Variants in MTF2 observed in about 807,000 individuals in gnomAD.
The protein encoded by MTF2 is metal response element binding transcription factor 2.
A neutral mutation model predicts 79.5 loss-of-function variants in MTF2; 11 were observed. That is an observed-to-expected ratio of 0.14 (90% confidence interval 0.09 to 0.23). MTF2 has a LOEUF of 0.23. MTF2 is among the 10% of genes least tolerant of loss of function. The pLI is 1.00. For synonymous variants in MTF2, 208 were observed against 232.8 expected (o/e 0.89, Z 0.97); for missense variants, 486 against 711.2 (o/e 0.68, Z 3.60).
At chr1:93,117,894 G>T (rs780479095) in intron 6 of MTF2, among the ~76,000 whole-genome samples, 1 of 152,136 alleles carries the variant, frequency 6.6e-6, no homozygotes, top group Non-Finnish European at 1.5e-5. Flanking sequence ...GCTTGGTGGT[G>T]CATGCCTGTG....
intron 1 of MTF2, among the ~76,000 whole-genome samples, chr1:93,105,833 G>T (rs1029373527): frequency 2.0e-5 from 3 of 152,068 alleles, no homozygotes; most frequent in Admixed American, 6.5e-5. Flanking sequence ...CAGCCATCAC[G>T]CCCGGCTAAT....
At chr1:93,126,690 T>C (rs1302161775) in intron 9 of MTF2, among the ~76,000 whole-genome samples, 2 of 152,096 alleles carry the variant, frequency 1.3e-5, no homozygotes, top group Non-Finnish European at 2.9e-5. Context: ...CATTTAGAGC[T>C]GGCTAAAGTC....
Position 93,080,827 on chromosome 1 carries a change from A to G in MTF2, c.5+1296A>G, listed in dbSNP as rs1238178481. 3.3e-5 allele frequency: 5 copies of G among 150,166 alleles called. No homozygotes were observed. In the East Asian group the frequency reaches 9.8e-4, roughly 29 times the overall value. 9.3% of individuals were successfully genotyped at this position (150,166 alleles called of 1,614,324 possible). ...TTGTATGTAGAAGTAGTTAATGTGG[A>G]TAAAATGTAATTAAATTCACAATAA... is the stretch of plus-strand genomic sequence containing the variant. On this transcript the variant is annotated intron_variant, in intron 1 of 14. Transcript: ENST00000370298.
chr1:93,103,467 C>G (rs1655632366), intron 1 of MTF2, among the ~76,000 whole-genome samples: 1 of 151,246 alleles, frequency 6.6e-6, no homozygotes, highest in South Asian at 2.1e-4. Context: ...GTTCAAGATA[C>G]ATTGTTATGT....
chr1:93,132,717 A>G (rs1052103921), intron 11 of MTF2, among the ~76,000 whole-genome samples: 1 of 151,696 alleles, frequency 6.6e-6, no homozygotes, highest in African/African-American at 2.4e-5. Context: ...ATCTGGAGGG[A>G]TAAGTTTTTT....
chr1:93,135,233 A>G (rs1369780745), intron 14 of MTF2, among the ~76,000 whole-genome samples: 3 of 152,148 alleles, frequency 2.0e-5, no homozygotes, highest in African/African-American at 7.2e-5. Context: ...CGGCCTCCCA[A>G]AGTGCCGGGA....
At chr1:93,110,154 A>G in intron 1 of MTF2, 76 bp from the exon 2 acceptor site, 1 of 1,348,392 alleles carries the variant, frequency 7.4e-7, no homozygotes, top group Non-Finnish European at 1.0e-6. Flanking sequence ...ACTTTGATTA[A>G]CATATAAAAT....
rs892457444 is a variant in MTF2 at position 93,126,369 on chromosome 1, G to A, written c.922-863G>A. Among the ~76,000 whole-genome samples the A allele has an allele frequency of 3.3e-5, 5 of 151,940 alleles. 1 individual carries two copies. The highest frequency in any genetic ancestry group is 1.3e-4 in the Admixed American group (2 of 15,264). ...TTTTTCTAGCTCCAGCATTCTATTT[G>A]GCAGATTTGTTTTCTCTCTCACTTA... On this transcript the variant is annotated intron_variant, in intron 9 of 14. Transcript: ENST00000370298.
rs1656199190 is a variant in MTF2, at chr1:93,115,149, A to G, written c.483+61A>G. On this transcript the variant is annotated intron_variant, in intron 5 of 14. Coordinates refer to ENST00000370298, the MANE Select transcript of MTF2 (RefSeq NM_007358.4). ...GAATTTGTAAGACATTATCAACATA[A>G]TGATTGTGTACACTGAAAGTTTGTT... 6.4e-6 allele frequency: 8 copies of G among 1,247,792 alleles called. No homozygotes were observed. In the South Asian group the frequency reaches 8.8e-5, roughly 14 times the overall value. 77.3% of individuals were successfully genotyped at this position (1,247,792 alleles called of 1,614,324 possible).
rs779639634 is a variant in MTF2, at chr1:93,085,837, G to GAGTA, written c.5+6307_5+6310dup. On this transcript the variant is annotated intron_variant, in intron 1 of 14. Coordinates refer to ENST00000370298, the MANE Select transcript of MTF2 (RefSeq NM_007358.4). ...TTCTATGGGTCACACTGCAGAACTT[G>GAGTA]AGTATCTGTGGATTTTGGTATCCTC... 7.9e-5 allele frequency among the ~76,000 whole-genome samples: 12 copies of GAGTA among 152,246 alleles called. No homozygotes were observed. In the East Asian group the frequency reaches 2.1e-3, roughly 27 times the overall value.
At chr1:93,121,381 T>C in intron 9 of MTF2, 1 of 796,686 alleles carries the variant, frequency 1.3e-6, no homozygotes, top group Non-Finnish European at 1.5e-6. Flanking sequence ...AAAGTACATA[T>C]ATTAACTACT....
chr1:93,112,387 A>C (rs1206815294), intron 3 of MTF2, among the ~76,000 whole-genome samples: 2 of 49,026 alleles, frequency 4.1e-5, no homozygotes, highest in African/African-American at 6.3e-5. Context: ...TAAAAATTTT[A>C]CATAAAGAAA....
intron 1 of MTF2, among the ~76,000 whole-genome samples, chr1:93,102,573 CAG>C (rs1230590753): frequency 4.0e-5 from 6 of 151,638 alleles, no homozygotes; most frequent in Non-Finnish European, 5.9e-5. Context: ...GCCTGGGTGA[CAG>C]AGAGAGACCC....
intron 1 of MTF2, among the ~76,000 whole-genome samples, chr1:93,088,711 G>GCC (rs1654951470): frequency 6.6e-6 from 1 of 152,082 alleles, no homozygotes; most frequent in South Asian, 2.1e-4. Context: ...GATTACAGCT[G>GCC]TGTGCCAACG....
In MTF2 at chr1:93,097,496, A is replaced by T. The variant is rs529490112; in HGVS notation, c.6-12734A>T. On this transcript the variant is annotated intron_variant, in intron 1 of 14. Coordinates refer to ENST00000370298, the MANE Select transcript of MTF2 (RefSeq NM_007358.4). ...ATAAGAGTGATGCCATGATTATTTT[A>T]AAAAACTTGGAAAATATAAAGTATG... 2.0e-3 allele frequency among the ~76,000 whole-genome samples: 312 copies of T among 152,322 alleles called. 2 individuals are homozygous for T. The highest frequency in any genetic ancestry group is 3.8e-3 in the Non-Finnish European group (259 of 68,034).
intron 1 of MTF2, among the ~76,000 whole-genome samples, chr1:93,095,379 C>T (rs1012097254): frequency 1.3e-5 from 2 of 152,044 alleles, no homozygotes; most frequent in African/African-American, 2.4e-5. Flanking sequence ...TAGCTCTTGT[C>T]GCCGAAGCTG....
intron 1 of MTF2, among the ~76,000 whole-genome samples, chr1:93,093,915 T>A (rs1655175761): frequency 6.6e-6 from 1 of 152,138 alleles, no homozygotes; most frequent in South Asian, 2.1e-4. Flanking sequence ...ATTTGACTGG[T>A]TATAAGGTTG....
At chr1:93,100,863 T>C (rs1445191253) in intron 1 of MTF2, among the ~76,000 whole-genome samples, 1 of 152,216 alleles carries the variant, frequency 6.6e-6, no homozygotes, top group African/African-American at 2.4e-5. Flanking sequence ...ACCTGGGCCT[T>C]ACTTTGGCCC....
At chr1:93,104,925 G>A (rs928004323) in intron 1 of MTF2, among the ~76,000 whole-genome samples, 1 of 152,022 alleles carries the variant, frequency 6.6e-6, no homozygotes, top group Non-Finnish European at 1.5e-5. Flanking sequence ...GGGAGGCCGA[G>A]GCAGGCAGAT....
Sources: allele counts gnomAD v4.1 joint callset (sites outside exome capture counted in the v4.1 genomes callset), GRCh38; gene constraint gnomAD v4.1.1; transcripts MANE v1.5; gene names NCBI Gene and HGNC (gene_info 2026-07-23, HGNC 2026-07-21).